RNF13: variants seen among roughly 807,000 people sequenced by gnomAD.
RNF13 encodes ring finger protein 13, also known as E3 ubiquitin-protein ligase RNF13.
RNF13 carries 19 observed loss-of-function variants against 37.7 expected under a neutral mutation model. The observed-to-expected ratio is 0.50, with a 90% CI of 0.35 to 0.74. RNF13 has a LOEUF of 0.74. Among genes scored for constraint, RNF13 ranks in the 30% least tolerant of loss-of-function variants. The probability of loss-of-function intolerance (pLI) is 0.01; values close to 1 mark genes in which losing one functional copy is unlikely to be tolerated. For missense variants in RNF13, 375 were observed against 453.0 expected (o/e 0.83, Z 1.56); for synonymous variants, 144 against 157.8 (o/e 0.91, Z 0.65).
chr3:149,895,403 A>C, intron 4 of RNF13, 70 bp from the exon 5 acceptor site: 1 of 897,334 alleles, frequency 1.1e-6, no homozygotes, highest in Non-Finnish European at 1.8e-6. Context: ...AAGTTTTTAT[A>C]ATCAATTGTA....
In RNF13 at chr3:149,931,004, C is replaced by G. The variant is rs554633285; in HGVS notation, c.700+9777C>G. ...CGATTTCATTTATCTTTTCAAAGAA[C>G]AATATTTTGGTTTTGTTGATTTTCT... On this transcript the variant is annotated intron_variant, in intron 8 of 9. Transcript: ENST00000392894. 6.6e-5 allele frequency among the ~76,000 whole-genome samples: 10 copies of G among 152,010 alleles called. No individual in the cohort carries two copies. In the South Asian group the frequency reaches 8.3e-4, roughly 13 times the overall value.
chr3:149,954,736 A>C (rs1479172589), intron 8 of RNF13, among the ~76,000 whole-genome samples: 1 of 152,190 alleles, frequency 6.6e-6, no homozygotes, highest in Non-Finnish European at 1.5e-5. Flanking sequence ...TAAATGATTT[A>C]AGTATTAACT....
intron 3 of RNF13, among the ~76,000 whole-genome samples, chr3:149,870,249 A>G (rs967207331): frequency 6.6e-6 from 1 of 151,658 alleles, no homozygotes; most frequent in Admixed American, 6.6e-5. Flanking sequence ...TTTCCAGTGT[A>G]GAAACAGTGA....
At chr3:149,876,360 T>C (rs1250180108) in intron 4 of RNF13, among the ~76,000 whole-genome samples, 3 of 152,204 alleles carry the variant, frequency 2.0e-5, no homozygotes. Context: ...TAGATATTAT[T>C]CTCCCTTCCC....
chr3:149,827,108 G>A (rs941701785), intron 1 of RNF13, among the ~76,000 whole-genome samples: 3 of 152,050 alleles, frequency 2.0e-5, no homozygotes, highest in Admixed American at 1.3e-4. Flanking sequence ...CTGTATCCAT[G>A]GCTCTGTATC....
chr3:149,822,657 GC>G (rs1720099932), intron 1 of RNF13: 1 of 151,994 alleles, frequency 6.6e-6, no homozygotes, highest in African/African-American at 2.4e-5. Flanking sequence ...CTATACTTGG[GC>G]TATTCCATTT....
At chr3:149,864,815 A>C (rs1724636748) in intron 3 of RNF13, among the ~76,000 whole-genome samples, 1 of 152,180 alleles carries the variant, frequency 6.6e-6, no homozygotes, top group African/African-American at 2.4e-5. Context: ...CCTTTGCTTA[A>C]ATCTCTCCAT....
At chr3:149,818,061 C>T (rs994657284) in intron 1 of RNF13, among the ~76,000 whole-genome samples, 4 of 152,154 alleles carry the variant, frequency 2.6e-5, no homozygotes, top group Non-Finnish European at 5.9e-5. Flanking sequence ...GTCAAGTTCT[C>T]AGTAAACCAA....
chr3:149,903,163 G>A (rs142081358), intron 6 of RNF13, among the ~76,000 whole-genome samples: 149 of 152,124 alleles, frequency 9.8e-4, no homozygotes, highest in African/African-American at 3.2e-3. Context: ...TATATGCTCA[G>A]AACATTTTTT....
chr3:149,847,223 G>T (rs1433277508), intron 2 of RNF13, among the ~76,000 whole-genome samples: 4 of 152,150 alleles, frequency 2.6e-5, no homozygotes, highest in Non-Finnish European at 4.4e-5. Context: ...AATTTATCCA[G>T]ATGTAGCCCC....
At chr3:149,918,081 T>TA (rs1717728059) in intron 7 of RNF13, among the ~76,000 whole-genome samples, 1 of 152,144 alleles carries the variant, frequency 6.6e-6, no homozygotes, top group Non-Finnish European at 1.5e-5. Context: ...TTTAAAAGGT[T>TA]AAAAAAAGGA....
chr3:149,940,810 ACACTAAGACTCTGTACC>A (rs1233672475), intron 8 of RNF13, among the ~76,000 whole-genome samples: 1 of 152,108 alleles, frequency 6.6e-6, no homozygotes, highest in Non-Finnish European at 1.5e-5. Context: ...TCATCTTATA[ACACTAAGACTCTGTACC>A]CACTAAATAC....
chr3:149,909,309 A>G (rs1163514833), intron 6 of RNF13, among the ~76,000 whole-genome samples: 6 of 149,196 alleles, frequency 4.0e-5, no homozygotes, highest in East Asian at 2.0e-4. Flanking sequence ...AAGCCTCACT[A>G]TGTCACCCAG....
In RNF13 at chr3:149,889,450, G is replaced by A. The variant is rs143455163; in HGVS notation, c.322-6023G>A. 1.8e-4 allele frequency among the ~76,000 whole-genome samples: 27 copies of A among 149,158 alleles called. No individual in the cohort carries two copies. In the East Asian group the frequency reaches 2.2e-3, roughly 12 times the overall value. ...CTCCCAAGTAACTAGGACTACAGGC[G>A]TGTGCCACCATGCCCAGCTAATTTT... is the stretch of plus-strand genomic sequence containing the variant. On this transcript the variant is annotated intron_variant, in intron 4 of 9. Transcript: ENST00000392894.
intron 4 of RNF13, among the ~76,000 whole-genome samples, chr3:149,890,508 A>G (rs1576830354): frequency 6.6e-6 from 1 of 152,308 alleles, no homozygotes; most frequent in South Asian, 2.1e-4. Flanking sequence ...AGTGTTTTTC[A>G]TATATTAAAT....
At chr3:149,920,561 A>G (rs911012089) in intron 7 of RNF13, among the ~76,000 whole-genome samples, 1 of 152,044 alleles carries the variant, frequency 6.6e-6, no homozygotes, top group East Asian at 1.9e-4. Flanking sequence ...TTTTTCCTTT[A>G]CAGAGGGTGT....
intron 1 of RNF13, among the ~76,000 whole-genome samples, chr3:149,826,199 A>G (rs983446475): frequency 6.6e-6 from 1 of 152,216 alleles, no homozygotes; most frequent in Non-Finnish European, 1.5e-5. Flanking sequence ...CTGGTAATCC[A>G]TGGCATCACA....
chr3:149,842,062 GTC>G (rs539099531), intron 1 of RNF13, among the ~76,000 whole-genome samples: 2 of 152,212 alleles, frequency 1.3e-5, no homozygotes, highest in South Asian at 2.1e-4. Flanking sequence ...TGTGAAATCA[GTC>G]TCTCTCTCTT....
At chr3:149,828,615 C>G (rs1720726488) in intron 1 of RNF13, among the ~76,000 whole-genome samples, 1 of 152,150 alleles carries the variant, frequency 6.6e-6, no homozygotes, top group Non-Finnish European at 1.5e-5. Context: ...CTGGTGACAA[C>G]AGTGGTATTT....
Sources: gnomAD v4.1 joint callset for allele counts (sites outside exome capture counted in the v4.1 genomes callset) on GRCh38, gnomAD v4.1.1 for gene constraint, MANE v1.5 for transcripts, NCBI Gene and HGNC (gene_info 2026-07-23, HGNC 2026-07-21) for gene names.